The following IL15 variants were observed in gnomAD, a reference collection of about 807,000 sequenced individuals.
IL15 encodes interleukin 15, also known as interleukin-15.
In IL15, 11 loss-of-function variants were observed where a neutral mutation model predicts 19.6. That is an observed-to-expected ratio of 0.56 (90% CI 0.35 to 0.93). The LOEUF (loss-of-function observed/expected upper bound fraction) is 0.93. IL15 is among the 40% of genes least tolerant of loss of function. The pLI, the probability that IL15 is intolerant of heterozygous loss-of-function variation, is 0.01. For missense variants in IL15, 197 were observed against 186.5 expected (o/e 1.06, Z -0.33); for synonymous variants, 58 against 59.6 (o/e 0.97, Z 0.12).
At chr4:141,682,004 A>C (rs925849270) in intron 2 of IL15, among the ~76,000 whole-genome samples, 4 of 152,164 alleles carry the variant, frequency 2.6e-5, no homozygotes, top group Admixed American at 6.5e-5. Context: ...CTGAGAAGTG[A>C]TTTTTCTAAA....
chr4:141,665,182 A>C (rs1213089122), intron 2 of IL15, among the ~76,000 whole-genome samples: 6 of 152,080 alleles, frequency 3.9e-5, no homozygotes, highest in African/African-American at 7.2e-5. Context: ...GAAATTAATA[A>C]TTCTTATTTT....
intron 1 of IL15, among the ~76,000 whole-genome samples, chr4:141,649,047 C>T (rs1031471279): frequency 6.6e-6 from 1 of 152,074 alleles, no homozygotes; most frequent in African/African-American, 2.4e-5. Flanking sequence ...GTCCAGGATA[C>T]TGAACTACTC....
At chr4:141,722,771 C>A (rs761324091) in intron 5 of IL15, among the ~76,000 whole-genome samples, 27 of 152,008 alleles carry the variant, frequency 1.8e-4, no homozygotes, top group Non-Finnish European at 2.8e-4. Flanking sequence ...CTTGAAAAAG[C>A]AATTACAAAT....
At chr4:141,711,815 A>C (rs1729726117) in intron 2 of IL15, among the ~76,000 whole-genome samples, 1 of 152,088 alleles carries the variant, frequency 6.6e-6, no homozygotes, top group Admixed American at 6.5e-5. Flanking sequence ...ATGTGCTATG[A>C]AAGAATGTTT....
At chr4:141,731,531 G>C (rs1264496242) in intron 7 of IL15, among the ~76,000 whole-genome samples, 1 of 152,126 alleles carries the variant, frequency 6.6e-6, no homozygotes, top group East Asian at 1.9e-4. Flanking sequence ...TAAATGATGA[G>C]CTCTTTAATG....
intron 5 of IL15, among the ~76,000 whole-genome samples, chr4:141,723,592 T>C (rs71608454): frequency 1.6e-4 from 25 of 152,292 alleles, no homozygotes; most frequent in African/African-American, 6.0e-4. Flanking sequence ...ATTTCTGTTG[T>C]TTTAAACCAC....
chr4:141,653,563 C>T (rs1481458510), intron 1 of IL15, among the ~76,000 whole-genome samples: 1 of 152,096 alleles, frequency 6.6e-6, no homozygotes, highest in South Asian at 2.1e-4. Context: ...TTTCTGAAAA[C>T]AAATACACAC....
At chr4:141,691,000 C>T (rs1399193078) in intron 2 of IL15, among the ~76,000 whole-genome samples, 3 of 131,062 alleles carry the variant, frequency 2.3e-5, no homozygotes, top group African/African-American at 8.6e-5. Context: ...TTTCTTGCAT[C>T]TAAAAATCCT....
At chr4:141,671,542 T>C (rs1450017336) in intron 2 of IL15, among the ~76,000 whole-genome samples, 1 of 152,166 alleles carries the variant, frequency 6.6e-6, no homozygotes, top group Non-Finnish European at 1.5e-5. Flanking sequence ...TCCCTGGTCT[T>C]GTTTGGGCTC....
intron 5 of IL15, among the ~76,000 whole-genome samples, chr4:141,724,497 A>C (rs2152191327): frequency 6.6e-6 from 1 of 152,074 alleles, no homozygotes; most frequent in Admixed American, 6.5e-5. Flanking sequence ...AGTTGAAATC[A>C]AGAAAACAAT....
intron 6 of IL15, among the ~76,000 whole-genome samples, chr4:141,729,398 T>G: frequency 6.6e-6 from 1 of 152,184 alleles, no homozygotes; most frequent in East Asian, 1.9e-4. Flanking sequence ...TTGGAATTAC[T>G]TCTCTCCCTC....
In IL15 at chr4:141,719,413, T is replaced by C. The variant is rs900551983; in HGVS notation, c.-52T>C. ...GGATGGATGGCTGCTGGAAACCCCT[T>C]GCCATAGCCAGCTCTTCTTCAATAC... is the stretch of plus-strand genomic sequence containing the variant. On this transcript the variant is annotated 5_prime_UTR_variant, in exon 3 of 8. Transcript: ENST00000320650. 11 of 786,970 alleles carry C rather than the reference T, an allele frequency of 1.4e-5. No individual in the cohort carries two copies. The African/African-American group carries it at 1.9e-4, about 14-fold the overall frequency. The allele number at this position is 786,970 out of a possible 1,614,324, so 48.7% of individuals were successfully genotyped here. A position where few individuals can be genotyped will look rare whatever the true frequency, so the allele number is the denominator to read the frequency against.
intron 2 of IL15, among the ~76,000 whole-genome samples, chr4:141,682,815 G>C (rs949700561): frequency 2.6e-5 from 4 of 151,954 alleles, no homozygotes; most frequent in Admixed American, 2.6e-4. Flanking sequence ...AAAATTAGCC[G>C]GGTGTGGTGG....
intron 3 of IL15, among the ~76,000 whole-genome samples, chr4:141,719,703 T>C (rs1730009990): frequency 2.0e-5 from 3 of 152,204 alleles, no homozygotes; most frequent in Non-Finnish European, 2.9e-5. Flanking sequence ...TTATTTCACT[T>C]ATCCCACTCT....
At chr4:141,691,541 G>T (rs1036648251) in intron 2 of IL15, among the ~76,000 whole-genome samples, 3 of 152,138 alleles carry the variant, frequency 2.0e-5, no homozygotes, top group African/African-American at 7.2e-5. Flanking sequence ...TAAAATGGGG[G>T]TTCAGGCATT....
chr4:141,653,492 T>C (rs532971574), intron 1 of IL15, among the ~76,000 whole-genome samples: 1 of 152,338 alleles, frequency 6.6e-6, no homozygotes, highest in African/African-American at 2.4e-5. Flanking sequence ...TTCTAGTGTA[T>C]GTCCTTGCAA....
Position 141,729,843 on chromosome 4 carries a change from T to G in IL15, c.241-4T>G. ...TAATTGTTCTTTATAACTTTTATTT[T>G]TAGCCCAGTTGCAAAGTAACAGCAA... is the stretch of plus-strand genomic sequence containing the variant. On this transcript the variant is annotated splice_polypyrimidine_tract_variant and splice_region_variant and intron_variant, in intron 6 of 7. Transcript: ENST00000320650. 6.6e-7 allele frequency: 1 copy of G among 1,507,416 alleles called. No homozygotes were observed. The highest frequency in any genetic ancestry group is 9.2e-7 in the Non-Finnish European group (1 of 1,088,200). 93.4% of individuals were successfully genotyped at this position (1,507,416 alleles called of 1,614,324 possible). A position where few individuals can be genotyped will look rare whatever the true frequency, so the allele number is the denominator to read the frequency against.
Position 141,719,404 on chromosome 4 carries a change from G to A in IL15, c.-61G>A. On this transcript the variant is annotated 5_prime_UTR_variant, in exon 3 of 8. It introduces an in-frame stop codon into an upstream open reading frame of the 5' UTR. Coordinates refer to ENST00000320650, the MANE Select transcript of IL15 (RefSeq NM_000585.5). ...AGGCATTGTGGATGGATGGCTGCTG[G>A]AAACCCCTTGCCATAGCCAGCTCTT... 1 of 758,834 alleles carries A rather than the reference G, an allele frequency of 1.3e-6. No individual in the cohort carries two copies. Among genetic ancestry groups the A allele is most frequent in the Non-Finnish European group, 2.4e-6 (1 of 420,538 alleles). 47.0% of individuals were successfully genotyped at this position (758,834 alleles called of 1,614,324 possible). A position where few individuals can be genotyped will look rare whatever the true frequency, so the allele number is the denominator to read the frequency against.
intron 7 of IL15, among the ~76,000 whole-genome samples, chr4:141,730,524 G>T (rs899273117): frequency 6.6e-6 from 1 of 152,132 alleles, no homozygotes; most frequent in Non-Finnish European, 1.5e-5. Context: ...AAAATGGGGA[G>T]CCACAACTCT....
Sources: allele counts gnomAD v4.1 joint callset (sites outside exome capture counted in the v4.1 genomes callset), GRCh38; gene constraint gnomAD v4.1.1; transcripts MANE v1.5; gene names NCBI Gene and HGNC (gene_info 2026-07-23, HGNC 2026-07-21).